NARS2: variants seen among roughly 807,000 people sequenced by gnomAD.
NARS2 encodes the protein asparaginyl-tRNA synthetase 2, mitochondrial, also known as asparaginyl-tRNA synthetase.
In NARS2, 60 loss-of-function variants were observed where a neutral mutation model predicts 62.9. The ratio of observed to expected loss-of-function variants is 0.95; its 90% CI spans 0.77 to 1.18. NARS2 has a LOEUF of 1.18. Among genes scored for constraint, NARS2 ranks in the 50% most tolerant of loss-of-function variants. NARS2 has a pLI of 0.00. For synonymous variants in NARS2, 196 were observed against 200.0 expected, an observed-to-expected ratio of 0.98 and a Z score of 0.17; for missense variants, 619 against 576.4, an observed-to-expected ratio of 1.07 and a Z score of -0.76.
chr11:78,491,848 C>T (rs936968404), intron 7 of NARS2, among the ~76,000 whole-genome samples: 2 of 151,964 alleles, frequency 1.3e-5, no homozygotes, highest in South Asian at 2.1e-4. Context: ...TTAGTCTGTT[C>T]TATTTGTGAT....
intron 6 of NARS2, among the ~76,000 whole-genome samples, chr11:78,517,112 A>T (rs535580653): frequency 3.5e-4 from 54 of 152,330 alleles, no homozygotes; most frequent in Non-Finnish European, 5.9e-4. Context: ...ATGATGTGTG[A>T]AATGGGATGA....
chr11:78,505,850 A>G (rs1401227076), intron 6 of NARS2, among the ~76,000 whole-genome samples: 1 of 152,196 alleles, frequency 6.6e-6, no homozygotes. Flanking sequence ...CACATAAGAA[A>G]AAGACTATAA....
chr11:78,561,743 T>C (rs998662132), intron 4 of NARS2, among the ~76,000 whole-genome samples: 1 of 152,198 alleles, frequency 6.6e-6, no homozygotes. Context: ...CAACATAAAG[T>C]GACAGCAAGA....
Position 78,574,585 on chromosome 11 carries a change from G to T in NARS2, c.-97C>A. The T allele has an allele frequency of 7.2e-7, 1 of 1,391,590 alleles. No homozygotes were observed. Among genetic ancestry groups the T allele is most frequent in the Non-Finnish European group, 9.5e-7 (1 of 1,047,296 alleles). The allele number at this position is 1,391,590 out of a possible 1,614,324, so 86.2% of individuals were successfully genotyped here. A position where few individuals can be genotyped will look rare whatever the true frequency, so the allele number is the denominator to read the frequency against. On this transcript the variant is annotated 5_prime_UTR_variant, in exon 1 of 14. Transcript: ENST00000281038. ...CCTTTCTCAGCTGCTCCCCTTCCGC[G>T]GCCGCAGCTCTGCTCTAAGGCACTC...
intron 6 of NARS2, among the ~76,000 whole-genome samples, chr11:78,505,673 T>TG (rs1468422740): frequency 1.3e-5 from 2 of 152,154 alleles, no homozygotes; most frequent in African/African-American, 4.8e-5. Context: ...CTAATCACTG[T>TG]GGAAAATACA....
chr11:78,474,817 T>A (rs1859017593), intron 9 of NARS2, among the ~76,000 whole-genome samples: 1 of 152,218 alleles, frequency 6.6e-6, no homozygotes. Context: ...ACAAATATTT[T>A]ATGTATTTAC....
At chr11:78,477,728 G>C (rs1180510106) in intron 9 of NARS2, among the ~76,000 whole-genome samples, 1 of 152,166 alleles carries the variant, frequency 6.6e-6, no homozygotes, top group Non-Finnish European at 1.5e-5. Context: ...AATCCAATCA[G>C]TTGAAGATTT....
At chr11:78,500,045 G>C (rs7947701) in intron 6 of NARS2, among the ~76,000 whole-genome samples, 1,800 of 152,284 alleles carry the variant, frequency 0.012, 33 homozygotes, top group African/African-American at 0.041. Flanking sequence ...ACTACATAGT[G>C]TTTAAGTGTT....
At chr11:78,466,125 ATGTG>A in intron 10 of NARS2, 112 bp from the exon 11 acceptor site, 7 of 1,110,666 alleles carry the variant, frequency 6.3e-6, no homozygotes, top group Non-Finnish European at 8.9e-6. Context: ...CTGAGGCTCC[ATGTG>A]TGGAGCTAGC....
At chr11:78,463,726 A>AAC (rs1475488241) in intron 11 of NARS2, among the ~76,000 whole-genome samples, 5 of 149,572 alleles carry the variant, frequency 3.3e-5, no homozygotes, top group African/African-American at 1.2e-4. Flanking sequence ...AAAAAAAAAA[A>AAC]AAAAAAAAAA....
intron 11 of NARS2, among the ~76,000 whole-genome samples, chr11:78,453,544 C>T (rs116180243): frequency 0.016 from 2,389 of 152,218 alleles, 53 homozygotes; most frequent in African/African-American, 0.054. Flanking sequence ...AGTTTAATGG[C>T]CCTTCCTCTG....
rs1007158734 is a variant in NARS2 at position 78,470,360 on chromosome 11, G to A, written c.960-1047C>T. The stretch of plus-strand genomic sequence containing the variant: ...AGAGTATACATCTCCCTTCCATTGC[G>A]GTTCCAGAGAAACCTAGTTCCTTTC... On this transcript the variant is annotated intron_variant, in intron 9 of 13. Coordinates refer to ENST00000281038, the MANE Select transcript of NARS2 (RefSeq NM_024678.6). Among the ~76,000 whole-genome samples, 5 of 151,936 alleles carry A rather than the reference G, an allele frequency of 3.3e-5. No individual in the cohort carries two copies. The East Asian group carries it at 9.6e-4, about 29-fold the overall frequency.
At chr11:78,534,142 A>G (rs564914098) in intron 5 of NARS2, among the ~76,000 whole-genome samples, 15 of 152,214 alleles carry the variant, frequency 9.9e-5, no homozygotes, top group Non-Finnish European at 2.1e-4. Context: ...TTGTGTGGAT[A>G]TAAGTTTTCC....
chr11:78,465,483 T>A (rs1316859178), intron 11 of NARS2, among the ~76,000 whole-genome samples: 1 of 152,240 alleles, frequency 6.6e-6, no homozygotes, highest in Non-Finnish European at 1.5e-5. Flanking sequence ...ACTGCTCTCA[T>A]CTCTTGCCCA....
At chr11:78,534,542 T>C (rs77365879) in intron 5 of NARS2, among the ~76,000 whole-genome samples, 4,966 of 152,302 alleles carry the variant, frequency 0.033, 269 homozygotes, top group African/African-American at 0.11. Context: ...TGACTGATAA[T>C]GAGTGAATAA....
At chr11:78,536,693 G>A (rs1022361525) in intron 5 of NARS2, among the ~76,000 whole-genome samples, 2 of 152,052 alleles carry the variant, frequency 1.3e-5, no homozygotes, top group African/African-American at 2.4e-5. Flanking sequence ...AGTACGCTAA[G>A]ATAATCTAGT....
intron 9 of NARS2, among the ~76,000 whole-genome samples, chr11:78,469,996 AAAGG>A (rs1382126358): frequency 6.6e-6 from 1 of 152,172 alleles, no homozygotes; most frequent in Non-Finnish European, 1.5e-5. Flanking sequence ...ATTCCAGGCA[AAAGG>A]AACAGCAAGT....
chr11:78,480,619 T>TAAA (rs10623671), intron 7 of NARS2, among the ~76,000 whole-genome samples: 111 of 124,862 alleles, frequency 8.9e-4, no homozygotes, highest in African/African-American at 1.8e-3. Flanking sequence ...TCTAATTAAG[T>TAAA]AAAAAAAAAA....
intron 9 of NARS2, among the ~76,000 whole-genome samples, chr11:78,471,092 C>T (rs1377949258): frequency 6.6e-6 from 1 of 151,978 alleles, no homozygotes; most frequent in African/African-American, 2.4e-5. Flanking sequence ...TCCTAAGAAT[C>T]TATTCAAATT....
Sources: allele counts gnomAD v4.1 joint callset (sites outside exome capture counted in the v4.1 genomes callset), GRCh38; gene constraint gnomAD v4.1.1; transcripts MANE v1.5; gene names NCBI Gene and HGNC (gene_info 2026-07-23, HGNC 2026-07-21).